PIK3R4: variants seen among roughly 807,000 people sequenced by gnomAD.
The protein encoded by PIK3R4 is phosphoinositide-3-kinase regulatory subunit 4.
In PIK3R4, 46 loss-of-function variants were observed where a neutral mutation model predicts 136.5. The ratio of observed to expected loss-of-function variants is 0.34; its 90% confidence interval spans 0.27 to 0.43. The LOEUF is 0.43. Ranked by LOEUF, PIK3R4 falls within the 20% of genes least tolerant of loss-of-function variation. The probability of loss-of-function intolerance (pLI) is 1.00; values close to 1 mark genes in which losing one functional copy is unlikely to be tolerated. For missense variants in PIK3R4, 1,331 were observed against 1,649.5 expected (o/e 0.81, Z 3.35); for synonymous variants, 557 against 566.7 (o/e 0.98, Z 0.24).
At chr3:130,727,319 C>G (rs779520438) in intron 6 of PIK3R4, among the ~76,000 whole-genome samples, 1 of 149,462 alleles carries the variant, frequency 6.7e-6, no homozygotes, top group Non-Finnish European at 1.5e-5. Flanking sequence ...CTCCTGGGTT[C>G]ACGCCATTCT....
intron 2 of PIK3R4, among the ~76,000 whole-genome samples, chr3:130,739,826 C>T (rs1479153657): frequency 6.6e-6 from 1 of 152,174 alleles, no homozygotes; most frequent in African/African-American, 2.4e-5. Context: ...AGATGTGACC[C>T]TGTGAAAATC....
At chr3:130,679,818 C>T (rs893815282) in intron 19 of PIK3R4, among the ~76,000 whole-genome samples, 23 of 152,176 alleles carry the variant, frequency 1.5e-4, no homozygotes, top group African/African-American at 5.5e-4. Flanking sequence ...TGGGTCACGC[C>T]TATAATCCCA....
chr3:130,745,362 G>A, intron 1 of PIK3R4, 98 bp from the exon 2 acceptor site: 1 of 787,868 alleles, frequency 1.3e-6, no homozygotes, highest in Non-Finnish European at 1.9e-6. Context: ...AAAGACAGAT[G>A]CAGCATACTT....
intron 6 of PIK3R4, 99 bp downstream of exon 6, chr3:130,728,364 T>TATAA: frequency 1.5e-6 from 1 of 674,096 alleles, no homozygotes; most frequent in Non-Finnish European, 2.5e-6. Flanking sequence ...CATTTCATTA[T>TATAA]TAATGAAATT....
chr3:130,721,512 T>C (rs1290549927), intron 7 of PIK3R4, among the ~76,000 whole-genome samples: 2 of 151,936 alleles, frequency 1.3e-5, no homozygotes, highest in African/African-American at 2.4e-5. Flanking sequence ...GTCCACTGAA[T>C]GAATAAAAAA....
intron 7 of PIK3R4, among the ~76,000 whole-genome samples, chr3:130,723,094 A>AAAAAAAAAAAAAAAAAAAAAAAAAAC (rs2066711921): frequency 7.7e-6 from 1 of 130,120 alleles, no homozygotes; most frequent in Non-Finnish European, 1.6e-5. Context: ...AAAAAAAAAA[A>AAAAAAAAAAAAAAAAAAAAAAAAAAC]AAATTAAAAA....
At chr3:130,702,494 A>T (rs942477065) in intron 13 of PIK3R4, among the ~76,000 whole-genome samples, 5 of 152,230 alleles carry the variant, frequency 3.3e-5, no homozygotes, top group Non-Finnish European at 7.3e-5. Flanking sequence ...TATTTTAGTT[A>T]TCAAAGATAT....
intron 10 of PIK3R4, among the ~76,000 whole-genome samples, chr3:130,707,654 A>C (rs1307904702): frequency 1.3e-5 from 2 of 152,222 alleles, no homozygotes; most frequent in Non-Finnish European, 2.9e-5. Context: ...TTTTAAATGT[A>C]ATTCATTAGC....
intron 7 of PIK3R4, among the ~76,000 whole-genome samples, chr3:130,720,868 C>T (rs1012173629): frequency 2.6e-5 from 4 of 152,084 alleles, no homozygotes; most frequent in African/African-American, 7.2e-5. Flanking sequence ...AGTGAAACTC[C>T]GTCTCTAAAT....
chr3:130,687,105 A>G (rs1019874154), intron 14 of PIK3R4, among the ~76,000 whole-genome samples: 9 of 149,880 alleles, frequency 6.0e-5, no homozygotes, highest in Non-Finnish European at 1.0e-4. Flanking sequence ...ACATTTGCAT[A>G]TACATAATGA....
chr3:130,686,457 C>A, intron 14 of PIK3R4, 35 bp from the exon 15 acceptor site: 1 of 1,273,846 alleles, frequency 7.9e-7, no homozygotes, highest in South Asian at 1.2e-5. Context: ...CGTTTCCAGT[C>A]ACTGAAAACA....
intron 3 of PIK3R4, 44 bp downstream of exon 3, chr3:130,735,825 G>A (rs1431785441): frequency 1.5e-5 from 23 of 1,557,240 alleles, no homozygotes; most frequent in East Asian, 2.3e-5. Context: ...GTGGGAACTA[G>A]ATCCTATTAA....
intron 10 of PIK3R4, 35 bp downstream of exon 10, chr3:130,708,256 C>A (rs373796779): frequency 1.8e-4 from 268 of 1,526,464 alleles, no homozygotes; most frequent in Non-Finnish European, 2.4e-4. Context: ...TAACTAACAA[C>A]AACAAGCTAC....
chr3:130,727,269 T>C (rs372370859), intron 6 of PIK3R4, among the ~76,000 whole-genome samples: 1 of 151,632 alleles, frequency 6.6e-6, no homozygotes, highest in Non-Finnish European at 1.5e-5. Context: ...CACCCAGGCC[T>C]GACTGCAGTG....
At chr3:130,740,349 A>C (rs2066815207) in intron 2 of PIK3R4, among the ~76,000 whole-genome samples, 1 of 152,222 alleles carries the variant, frequency 6.6e-6, no homozygotes, top group Admixed American at 6.5e-5. Context: ...GTCAAATACA[A>C]AATTAGAATA....
rs111464199 is a variant in PIK3R4 at position 130,736,040 on chromosome 3, T to TAA, written c.734-40_734-39dup. ...AGGTATAATTCTGTTAGAAAAGAGA[T>TAA]AAAAAATATCATGCAATATAGATTG... On this transcript the variant is annotated intron_variant, in intron 2 of 19. Coordinates refer to ENST00000356763, the MANE Select transcript of PIK3R4 (RefSeq NM_014602.3). 2.0e-6 allele frequency: 3 copies of TAA among 1,534,434 alleles called. No individual in the cohort carries two copies. The South Asian group carries it at 3.6e-5, about 18-fold the overall frequency.
Position 130,679,206 on chromosome 3 carries a change from G to T in PIK3R4, c.*109C>A. 1 of 629,272 alleles carries T rather than the reference G, an allele frequency of 1.6e-6. No individual in the cohort carries two copies. The highest frequency in any genetic ancestry group is 2.5e-6 in the Non-Finnish European group (1 of 394,182). 39.0% of individuals were successfully genotyped at this position (629,272 alleles called of 1,614,324 possible). On this transcript the variant is annotated 3_prime_UTR_variant, in exon 20 of 20. Transcript: ENST00000356763. ...CAGTCAGTCATGAAACAGTAATATG[G>T]AGACATAATTTTGAAAATTAAGCAA...
At chr3:130,699,979 A>G (rs2066566592) in intron 13 of PIK3R4, among the ~76,000 whole-genome samples, 1 of 152,216 alleles carries the variant, frequency 6.6e-6, no homozygotes, top group Admixed American at 6.5e-5. Flanking sequence ...AGGGCACTAT[A>G]TGAGAGTGCA....
chr3:130,703,096 T>G (rs191764452), intron 13 of PIK3R4, among the ~76,000 whole-genome samples: 4 of 152,254 alleles, frequency 2.6e-5, no homozygotes, highest in African/African-American at 9.6e-5. Context: ...CCAGAGTAAT[T>G]CTGTTGACAA....
Sources: allele counts gnomAD v4.1 joint callset (sites outside exome capture counted in the v4.1 genomes callset), GRCh38; gene constraint gnomAD v4.1.1; transcripts MANE v1.5; gene names NCBI Gene and HGNC (gene_info 2026-07-23, HGNC 2026-07-21).